Variants in ASPRV1 observed in about 807,000 individuals in gnomAD.
ASPRV1 encodes the protein retroviral-like aspartic protease 1.
ASPRV1 carries 7 observed loss-of-function variants against 11.0 expected under a neutral mutation model. That is an observed-to-expected ratio of 0.64 (90% CI 0.36 to 1.20). The LOEUF is 1.20. ASPRV1 is among the 50% of genes most tolerant of loss of function. ASPRV1 has a pLI of 0.02. For missense variants in ASPRV1, 299 were observed against 320.0 expected, an observed-to-expected ratio of 0.93 and a Z score of 0.50; for synonymous variants, 136 against 138.4, an observed-to-expected ratio of 0.98 and a Z score of 0.12.
downstream of ASPRV1, among the ~76,000 whole-genome samples, chr2:69,956,432 A>AAGG: frequency 6.7e-6 from 1 of 150,272 alleles, no homozygotes; most frequent in East Asian, 1.9e-4. Flanking sequence ...AAGAAGAAAG[A>AAGG]AGAAGGAGAA....
chr2:70,041,320 T>A, the ASPRV1 span, among the ~76,000 whole-genome samples: 19,294 of 152,198 alleles, frequency 0.13, 1,781 homozygotes, highest in South Asian at 0.25. Flanking sequence ...GGGAATGGCA[T>A]GCAGGGGAAG....
chr2:70,044,457 ATGTTT>A, the ASPRV1 span, among the ~76,000 whole-genome samples: 4 of 152,010 alleles, frequency 2.6e-5, no homozygotes, highest in Admixed American at 1.3e-4. Context: ...GAGACACCTA[ATGTTT>A]TGTTTTGTTT....
chr2:70,014,079 G>A, the ASPRV1 span, among the ~76,000 whole-genome samples: 1 of 152,154 alleles, frequency 6.6e-6, no homozygotes, highest in Non-Finnish European at 1.5e-5. Flanking sequence ...TTTTAAGAGT[G>A]TAGAAGAGCA....
the ASPRV1 span, among the ~76,000 whole-genome samples, chr2:70,066,700 T>C: frequency 2.6e-5 from 4 of 152,084 alleles, no homozygotes; most frequent in African/African-American, 9.7e-5. Flanking sequence ...CAAGCTCAAA[T>C]GATCCTCCCA....
chr2:69,979,259 T>A, the ASPRV1 span, among the ~76,000 whole-genome samples: 71 of 152,256 alleles, frequency 4.7e-4, no homozygotes, highest in African/African-American at 1.7e-3. Flanking sequence ...GGTCTCAATC[T>A]CCTGACCTCA....
the ASPRV1 span, chr2:69,938,431 G>A: frequency 1.3e-6 from 1 of 772,054 alleles, no homozygotes; most frequent in Non-Finnish European, 2.1e-6. Flanking sequence ...TTTCAAGGAG[G>A]TGCTTAGGAT....
the ASPRV1 span, among the ~76,000 whole-genome samples, chr2:70,025,856 T>C: frequency 1.3e-5 from 2 of 152,228 alleles, no homozygotes; most frequent in African/African-American, 4.8e-5. Context: ...AATGCATTAA[T>C]GGACACAATG....
At chr2:70,035,252 T>G in the ASPRV1 span, among the ~76,000 whole-genome samples, 1 of 152,140 alleles carries the variant, frequency 6.6e-6, no homozygotes, top group Non-Finnish European at 1.5e-5. Flanking sequence ...CCTGATCTTT[T>G]AGGAGGAGAG....
the ASPRV1 span, among the ~76,000 whole-genome samples, chr2:69,948,450 G>C: frequency 3.1e-3 from 468 of 152,300 alleles, 10 homozygotes; most frequent in Non-Finnish European, 6.2e-4. Context: ...TCTACATCTA[G>C]GGATGACCCC....
the ASPRV1 span, among the ~76,000 whole-genome samples, chr2:70,021,238 C>T: frequency 9.2e-4 from 139 of 151,632 alleles, no homozygotes; most frequent in African/African-American, 3.2e-3. Context: ...GGATTTCCTT[C>T]TTTTTTAAAG....
At chr2:70,035,555 GTGCAAGATGCCT>G in the ASPRV1 span, among the ~76,000 whole-genome samples, 1 of 151,492 alleles carries the variant, frequency 6.6e-6, no homozygotes, top group African/African-American at 2.4e-5. Flanking sequence ...AAGCACTGAG[GTGCAAGATGCCT>G]TGCAGGATTC....
the ASPRV1 span, among the ~76,000 whole-genome samples, chr2:70,028,783 G>A: frequency 6.6e-6 from 1 of 151,844 alleles, no homozygotes; most frequent in African/African-American, 2.4e-5. Context: ...ATGGGATGAC[G>A]CAACAAAAAA....
the ASPRV1 span, among the ~76,000 whole-genome samples, chr2:69,954,188 G>GC: frequency 6.6e-6 from 1 of 152,140 alleles, no homozygotes; most frequent in African/African-American, 2.4e-5. Context: ...GCTCCTCATG[G>GC]CCCACCACAG....
the ASPRV1 span, among the ~76,000 whole-genome samples, chr2:70,010,438 A>C: frequency 1.1e-4 from 17 of 152,134 alleles, no homozygotes; most frequent in Non-Finnish European, 2.5e-4. Flanking sequence ...CTGCATGTGC[A>C]AAGGCCTGGA....
At chr2:69,985,734 G>A in the ASPRV1 span, among the ~76,000 whole-genome samples, 4 of 152,284 alleles carry the variant, frequency 2.6e-5, no homozygotes, top group East Asian at 5.8e-4. Context: ...ACTTTCTGGC[G>A]CCTGAGACCA....
At chr2:70,047,397 G>T in the ASPRV1 span, among the ~76,000 whole-genome samples, 3 of 152,144 alleles carry the variant, frequency 2.0e-5, no homozygotes, top group Non-Finnish European at 4.4e-5. Flanking sequence ...CACTGTGGTG[G>T]GTTGAATTCA....
chr2:69,953,182 G>C, the ASPRV1 span, among the ~76,000 whole-genome samples: 1 of 152,250 alleles, frequency 6.6e-6, no homozygotes, highest in East Asian at 1.9e-4. Flanking sequence ...CCCATCTTCT[G>C]TACCTGCCTA....
Position 69,961,608 on chromosome 2 carries a change from T to G in ASPRV1, c.-172A>C. ...CAGGCGCGGTCGGCTGGCTGACTGCTGGGGCAGAGGCAGGCAGTGCTGTGG... is the reference window on the plus strand; with the variant it reads ...CAGGCGCGGTCGGCTGGCTGACTGCGGGGGCAGAGGCAGGCAGTGCTGTGG... On this transcript the variant is annotated 5_prime_UTR_variant, in exon 1 of 1. Coordinates refer to ENST00000320256, the MANE Select transcript of ASPRV1 (RefSeq NM_152792.4). 1 of 1,611,274 alleles carries G rather than the reference T, an allele frequency of 6.2e-7. No homozygotes were observed.
chr2:69,942,758 T>C, the ASPRV1 span: 1 of 152,240 alleles, frequency 6.6e-6, no homozygotes, highest in East Asian at 1.9e-4. Flanking sequence ...TGTTTCCAGA[T>C]GTTTCTTTAT....
Sources: allele counts gnomAD v4.1 joint callset (sites outside exome capture counted in the v4.1 genomes callset), GRCh38; gene constraint gnomAD v4.1.1; transcripts MANE v1.5; gene names NCBI Gene and HGNC (gene_info 2026-07-23, HGNC 2026-07-21).